Variants in ZFHX3 observed in about 807,000 individuals in gnomAD.
ZFHX3 encodes the protein zinc finger homeobox 3.
ZFHX3 carries 42 observed loss-of-function variants against 279.1 expected under a neutral mutation model. The ratio of observed to expected loss-of-function variants is 0.15; its 90% CI spans 0.12 to 0.19. ZFHX3 has a LOEUF of 0.19. Among genes scored for constraint, ZFHX3 ranks in the 10% least tolerant of loss-of-function variants. ZFHX3 has a pLI of 1.00. For synonymous variants in ZFHX3, 2,293 were observed against 1,957.8 expected, an observed-to-expected ratio of 1.17 and a Z score of -4.52; for missense variants, 4,981 against 4,754.0, an observed-to-expected ratio of 1.05 and a Z score of -1.40.
chr16:73,838,631 T>C (rs901618265), intron 1 of ZFHX3, among the ~76,000 whole-genome samples: 2 of 152,182 alleles, frequency 1.3e-5, no homozygotes, highest in African/African-American at 4.8e-5. Flanking sequence ...ACAGGTCTTT[T>C]TCAACCCCAT....
In ZFHX3 at chr16:73,572,088, G is replaced by C. The variant is rs16972191; in HGVS notation, c.-1547+108092C>G. Reference sequence around the variant, plus strand: ...CTTAACAGCTACCCAGGCAGGATTTGAGGAGAATAATTCCCTAATGCCACT... The same window carrying C: ...CTTAACAGCTACCCAGGCAGGATTTCAGGAGAATAATTCCCTAATGCCACT... On this transcript the variant is annotated intron_variant, in intron 2 of 17. Coordinates refer to the ZFHX3 transcript ENST00000641206. Among the ~76,000 whole-genome samples, 1,294 of 150,296 alleles carry C rather than the reference G, an allele frequency of 8.6e-3. 20 individuals carry two copies. Among genetic ancestry groups the C allele is most frequent in the African/African-American group, 0.03 (1,229 of 40,948 alleles).
chr16:73,454,422 A>G (rs2018335531), intron 3 of ZFHX3, among the ~76,000 whole-genome samples: 1 of 152,200 alleles, frequency 6.6e-6, no homozygotes, highest in Admixed American at 6.5e-5. Context: ...AGGAATAAAT[A>G]TCTCAAGAGG....
intron 7 of ZFHX3, among the ~76,000 whole-genome samples, chr16:73,109,381 C>T (rs1324628057): frequency 6.6e-6 from 1 of 152,074 alleles, no homozygotes; most frequent in Admixed American, 6.6e-5. Context: ...TGAACAAAGC[C>T]AAATACATTT....
At chr16:73,213,609 G>A (rs986954345) in intron 5 of ZFHX3, among the ~76,000 whole-genome samples, 8 of 152,166 alleles carry the variant, frequency 5.3e-5, no homozygotes, top group African/African-American at 1.9e-4. Context: ...CCCGCAGTTT[G>A]GGGACATTCA....
intron 2 of ZFHX3, among the ~76,000 whole-genome samples, chr16:73,598,570 G>A (rs1048478509): frequency 6.0e-5 from 9 of 151,088 alleles, no homozygotes; most frequent in Admixed American, 2.0e-4. Flanking sequence ...AGCACGCATC[G>A]CCACGCCCGA....
Position 72,958,538 on chromosome 16 carries a change from C to T in ZFHX3, c.1608G>A (p.Met536Ile). 1.2e-6 allele frequency: 2 copies of T among 1,614,048 alleles called. No homozygotes were observed. The highest frequency in any genetic ancestry group is 1.7e-6 in the Non-Finnish European group (2 of 1,180,026). ...TCGACAGGGTCTGGAGCACGTTAGG[C>T]ATTAAGGGGGAGTTAGAAATGCTTT... ...SNQSISNSPLMPNVLQTLSRG... is the reference protein window; with the variant it reads ...SNQSISNSPLIPNVLQTLSRG... The change falls in exon 2 of 10, where the codon ATG becomes ATA. Residue 536 changes from methionine (M) to isoleucine (I), a missense_variant. Physicochemically the swap from Met to Ile is conservative, Grantham distance 10. Coordinates refer to ENST00000268489, the MANE Select transcript of ZFHX3 (RefSeq NM_006885.4).
chr16:73,465,961 C>A (rs746449608), intron 2 of ZFHX3, among the ~76,000 whole-genome samples: 2 of 151,608 alleles, frequency 1.3e-5, no homozygotes, highest in East Asian at 3.9e-4. Context: ...CTCTAAGCCA[C>A]GGTTTCTCAA....
At chr16:72,801,933 T>TC (rs1176695987) in intron 7 of ZFHX3, among the ~76,000 whole-genome samples, 3 of 149,168 alleles carry the variant, frequency 2.0e-5, no homozygotes, top group Non-Finnish European at 4.5e-5. Flanking sequence ...GAAAAAAGAC[T>TC]CCCCCCCACC....
At chr16:73,247,484 G>A (rs1217805263) in intron 5 of ZFHX3, among the ~76,000 whole-genome samples, 1 of 151,386 alleles carries the variant, frequency 6.6e-6, no homozygotes, top group Non-Finnish European at 1.5e-5. Flanking sequence ...ATGTGTCTGT[G>A]TATATGTATT....
chr16:73,267,148 G>C (rs1461278327), intron 4 of ZFHX3, among the ~76,000 whole-genome samples: 1 of 152,190 alleles, frequency 6.6e-6, no homozygotes, highest in Non-Finnish European at 1.5e-5. Context: ...ATCTATGGCA[G>C]ATACGTTTGC....
chr16:73,373,781 T>C (rs2016674884), intron 3 of ZFHX3, among the ~76,000 whole-genome samples: 1 of 152,010 alleles, frequency 6.6e-6, no homozygotes, highest in Non-Finnish European at 1.5e-5. Context: ...CTGACATTAC[T>C]ATGATGTATG....
At chr16:73,146,515 A>C (rs1213930817) in intron 5 of ZFHX3, among the ~76,000 whole-genome samples, 1 of 152,156 alleles carries the variant, frequency 6.6e-6, no homozygotes, top group Non-Finnish European at 1.5e-5. Flanking sequence ...CTGCTAAGAC[A>C]GACAATAAAC....
chr16:73,200,521 A>C (rs1350892724), intron 5 of ZFHX3, among the ~76,000 whole-genome samples: 1 of 152,210 alleles, frequency 6.6e-6, no homozygotes, highest in African/African-American at 2.4e-5. Context: ...ATTAAATAAA[A>C]GATCCCTTGA....
chr16:72,801,601 A>G (rs2036102034), intron 7 of ZFHX3, among the ~76,000 whole-genome samples: 1 of 152,186 alleles, frequency 6.6e-6, no homozygotes, highest in African/African-American at 2.4e-5. Context: ...ATGGAGAAGC[A>G]TTCTGAGAAA....
intron 1 of ZFHX3, among the ~76,000 whole-genome samples, chr16:73,777,811 C>G (rs1959309036): frequency 6.6e-6 from 1 of 152,082 alleles, no homozygotes; most frequent in Non-Finnish European, 1.5e-5. Flanking sequence ...CAGGTTACTG[C>G]CTCAGGTTGC....
intron 3 of ZFHX3, among the ~76,000 whole-genome samples, chr16:73,342,895 G>C (rs994117059): frequency 6.6e-6 from 1 of 152,174 alleles, no homozygotes; most frequent in Admixed American, 6.5e-5. Flanking sequence ...GACACTGTGT[G>C]GGGGCTGGGG....
chr16:73,677,678 C>T (rs1423156964), intron 2 of ZFHX3, among the ~76,000 whole-genome samples: 1 of 151,796 alleles, frequency 6.6e-6, no homozygotes, highest in African/African-American at 2.4e-5. Context: ...GATATTTCAA[C>T]AGGAAAATAT....
chr16:73,500,646 TA>T (rs1353484538), intron 2 of ZFHX3, among the ~76,000 whole-genome samples: 1 of 78,846 alleles, frequency 1.3e-5, no homozygotes, highest in Non-Finnish European at 2.4e-5. Context: ...GTTTTTATTT[TA>T]AAAAGTTTAA....
At chr16:73,838,781 T>G (rs1242763881) in intron 1 of ZFHX3, among the ~76,000 whole-genome samples, 1 of 146,336 alleles carries the variant, frequency 6.8e-6, no homozygotes, top group Non-Finnish European at 1.5e-5. Context: ...TGTGTGTGTG[T>G]GTGTGTGTGC....
Sources: allele counts gnomAD v4.1 joint callset (sites outside exome capture counted in the v4.1 genomes callset), GRCh38; gene constraint gnomAD v4.1.1; transcripts MANE v1.5; gene names NCBI Gene and HGNC (gene_info 2026-07-23, HGNC 2026-07-21).